The following MYO18A variants were observed in gnomAD, a reference collection of about 807,000 sequenced individuals.
MYO18A encodes myosin XVIIIA, also known as unconventional myosin-XVIIIa.
MYO18A carries 78 observed loss-of-function variants against 235.8 expected under a neutral mutation model. The observed-to-expected ratio is 0.33, with a 90% CI of 0.28 to 0.40. The LOEUF (loss-of-function observed/expected upper bound fraction) is 0.40. MYO18A is among the 10% of genes least tolerant of loss of function. The pLI is 1.00. For synonymous variants in MYO18A, 977 were observed against 1,077.8 expected (o/e 0.91, Z 1.83); for missense variants, 2,215 against 2,699.3 (o/e 0.82, Z 3.98).
At position 29,073,725 on chromosome 17, in the gene MYO18A, G is replaced by T; in HGVS notation, c.*1045C>A. 1.0e-6 allele frequency: 1 copy of T among 976,462 alleles called. No individual in the cohort carries two copies. The highest frequency in any genetic ancestry group is 1.5e-6 in the Non-Finnish European group (1 of 653,410). 60.5% of individuals were successfully genotyped at this position (976,462 alleles called of 1,614,324 possible). A position where few individuals can be genotyped will look rare whatever the true frequency, so the allele number is the denominator to read the frequency against. The stretch of plus-strand genomic sequence containing the variant: ...GGACCTCCAGACCACATGGTGTTGT[G>T]TCTGGGATAAGTGTGTGGGGGCAGG... On this transcript the variant is annotated 3_prime_UTR_variant, in exon 42 of 42. Coordinates refer to ENST00000527372, the MANE Select transcript of MYO18A (RefSeq NM_078471.4).
intron 41 of MYO18A, chr17:29,079,615 T>C (rs1172078627): frequency 1.3e-6 from 1 of 744,240 alleles, no homozygotes; most frequent in African/African-American, 1.9e-5. Context: ...AGGCCAGGCA[T>C]GCCCGAGAGG....
At chr17:29,169,971 ACAG>A (rs1395407533) in intron 1 of MYO18A, among the ~76,000 whole-genome samples, 1 of 152,182 alleles carries the variant, frequency 6.6e-6, no homozygotes, top group Non-Finnish European at 1.5e-5. Flanking sequence ...AGCAGGCAGG[ACAG>A]CAGACGGTCA....
rs1405948073 is a variant in MYO18A, at chr17:29,115,358, C to A, written c.2311G>T (p.Val771Leu). The change falls in exon 13 of 42, where the codon GTG becomes TTG. Residue 771 changes from valine (V) to leucine (L), a missense_variant. Val to Leu is a conservative substitution (Grantham distance 32). Transcript: ENST00000527372. ...GTCCTGCCTGGCACTCACCTATTCA[C>A]CAGGGAGACGAGAAGGGTGAAGAGC... ...SELFTLLVSL[V>L]NRALKSSQHS... The A allele has an allele frequency of 1.2e-6, 2 of 1,613,860 alleles. No homozygotes were observed. The highest frequency in any genetic ancestry group is 1.7e-6 in the Non-Finnish European group (2 of 1,179,886).
chr17:29,134,837 T>C (rs1567622712), intron 2 of MYO18A, among the ~76,000 whole-genome samples: 1 of 152,068 alleles, frequency 6.6e-6, no homozygotes, highest in African/African-American at 2.4e-5. Flanking sequence ...CTCAAACCCT[T>C]AATACAGTAA....
intron 28 of MYO18A, among the ~76,000 whole-genome samples, chr17:29,095,455 A>G (rs2066498017): frequency 6.6e-6 from 1 of 152,180 alleles, no homozygotes; most frequent in African/African-American, 2.4e-5. Flanking sequence ...CTCACTTTCC[A>G]CAGTTTGGTT....
chr17:29,093,844 C>A lies in MYO18A; in HGVS notation c.4821+136G>T, dbSNP rs975554438. 3.6e-5 allele frequency: 24 copies of A among 658,406 alleles called. No individual in the cohort carries two copies. The African/African-American group carries it at 4.0e-4, about 11-fold the overall frequency. 40.8% of individuals were successfully genotyped at this position (658,406 alleles called of 1,614,324 possible). ...CAATACATCCTGCCAATGCTAGGAT[C>A]CCGAGAGGCGCTTCCTGGCCCAGAA... On this transcript the variant is annotated intron_variant, in intron 31 of 41. Transcript: ENST00000527372.
Position 29,086,517 on chromosome 17 carries a change from C to A in MYO18A, c.5773G>T (p.Ala1925Ser), listed in dbSNP as rs1159749896. ...NQSLQADLKL[A>S]FKRIGDLQAA... ...TGCAGGTCCCCGATGCGCTTGAATGCCAACTTTAGGTCAGCCTGCAGGCTC... is the reference window on the plus strand; with the variant it reads ...TGCAGGTCCCCGATGCGCTTGAATGACAACTTTAGGTCAGCCTGCAGGCTC... The change falls in exon 39 of 42, where the codon GCA (alanine) becomes TCA (serine). Residue 1925 changes from alanine (A) to serine (S), a missense_variant. Transcript: ENST00000527372. 3.1e-6 allele frequency: 5 copies of A among 1,612,832 alleles called. No homozygotes were observed. Among genetic ancestry groups the A allele is most frequent in the African/African-American group, 1.3e-5 (1 of 75,038 alleles).
intron 38 of MYO18A, 158 bp from the exon 39 acceptor site, chr17:29,086,735 G>A: frequency 2.5e-6 from 3 of 1,196,510 alleles, no homozygotes; most frequent in Non-Finnish European, 3.4e-6. Flanking sequence ...CTGGGCTGTG[G>A]GGTCCAAGCC....
At chr17:29,133,362 A>G (rs1447862981) in intron 2 of MYO18A, among the ~76,000 whole-genome samples, 1 of 152,200 alleles carries the variant, frequency 6.6e-6, no homozygotes, top group East Asian at 1.9e-4. Flanking sequence ...CACCCTCTGG[A>G]CCCAGGTGGC....
intron 7 of MYO18A, 118 bp from the exon 8 acceptor site, chr17:29,119,553 A>ATTTTT: frequency 9.2e-6 from 4 of 433,302 alleles, no homozygotes; most frequent in African/African-American, 2.4e-5. Flanking sequence ...AAGCAGCTGC[A>ATTTTT]TTTTTTTTTT....
Position 29,114,036 on chromosome 17 carries a change from A to G in MYO18A, c.2573T>C (p.Val858Ala), listed in dbSNP as rs2066996786. Residue 858 changes from valine (V) to alanine (A), a missense_variant, in exon 15 of 42, where the codon GTG (valine) becomes GCG (alanine). Coordinates refer to ENST00000527372, the MANE Select transcript of MYO18A (RefSeq NM_078471.4). ...CAGGGACTGATGGGAGGCCTGGTCC[A>G]CAGCAGCCACAGAGTCATCCGTCGG... ...EPPTDDSVAAVDQASHQSLVR... is the reference protein window; with the variant it reads ...EPPTDDSVAAADQASHQSLVR... 3 of 1,600,952 alleles carry G rather than the reference A, an allele frequency of 1.9e-6. No individual in the cohort carries two copies. The highest frequency in any genetic ancestry group is 2.6e-6 in the Non-Finnish European group (3 of 1,174,220).
In MYO18A at chr17:29,090,903, A is replaced by C; in HGVS notation, c.5211T>G (p.Leu1737=). The C allele has an allele frequency of 1.2e-6, 2 of 1,613,990 alleles. No homozygotes were observed. The highest frequency in any genetic ancestry group is 1.7e-6 in the Non-Finnish European group (2 of 1,179,888). Residue 1737 remains leucine, a synonymous_variant, in exon 35 of 42, where the codon CTT becomes CTG. Transcript: ENST00000527372. ...KTALEEQLSR[L]QREKNEIQNR... ...TCTGGATCTCATTCTTCTCACGCTG[A>C]AGGCGGCTCAGCTGCTCCTCCAGCT... is the stretch of plus-strand genomic sequence containing the variant.
chr17:29,078,917 T>TGTG (rs1214663888), intron 41 of MYO18A: 1 of 152,420 alleles, frequency 6.6e-6, no homozygotes, highest in Non-Finnish European at 1.5e-5. Flanking sequence ...GACGCCCATG[T>TGTG]GTGGGCCTTT....
At chr17:29,165,667 G>A (rs1332419132) in intron 2 of MYO18A, among the ~76,000 whole-genome samples, 2 of 152,182 alleles carry the variant, frequency 1.3e-5, no homozygotes, top group Non-Finnish European at 2.9e-5. Context: ...GTTGAGAGAC[G>A]AAGGTGTGAC....
rs763659196 is a variant in MYO18A at position 29,098,356 on chromosome 17, C to T, written c.3870G>A (p.Arg1290=). 6.2e-7 allele frequency: 1 copy of T among 1,613,778 alleles called. No homozygotes were observed. The highest frequency in any genetic ancestry group is 8.5e-7 in the Non-Finnish European group (1 of 1,179,850). ...LRLNSDRLES[R]ISELTSELTD... ...CGGTGTGGTGCCAGGAGTCACTCAC[C>T]CGGCTCTCCAGCCGGTCACTGTTGA... The change falls in exon 24 of 42, where the codon CGG becomes CGA. Residue 1290 remains arginine, a splice_region_variant and synonymous_variant. Coordinates refer to ENST00000527372, the MANE Select transcript of MYO18A (RefSeq NM_078471.4).
At chr17:29,098,789 CT>C (rs758148206) in intron 23 of MYO18A, 36 bp downstream of exon 23, 2 of 1,612,084 alleles carry the variant, frequency 1.2e-6, no homozygotes, top group African/African-American at 2.7e-5. Context: ...AGGCTTCCCC[CT>C]ACCCAGAGAC....
At chr17:29,102,488 A>C (rs1471657019) in intron 21 of MYO18A, among the ~76,000 whole-genome samples, 2 of 152,208 alleles carry the variant, frequency 1.3e-5, no homozygotes, top group African/African-American at 4.8e-5. Context: ...AGAGAGAGAA[A>C]AGAGCTGAAC....
intron 2 of MYO18A, among the ~76,000 whole-genome samples, chr17:29,149,197 G>T (rs2152944557): frequency 6.6e-6 from 1 of 152,374 alleles, no homozygotes; most frequent in African/African-American, 2.4e-5. Context: ...GGACGCGTAG[G>T]GCAAGAAGAG....
At chr17:29,133,882 G>A (rs1184191429) in intron 2 of MYO18A, 1 of 1,288,788 alleles carries the variant, frequency 7.8e-7, no homozygotes, top group East Asian at 5.5e-5. Flanking sequence ...GAAATGGGGG[G>A]CAGGGTCTCT....
Sources: allele counts gnomAD v4.1 joint callset (sites outside exome capture counted in the v4.1 genomes callset), GRCh38; gene constraint gnomAD v4.1.1; transcripts MANE v1.5; gene names NCBI Gene and HGNC (gene_info 2026-07-23, HGNC 2026-07-21).